Variants in DLC1 observed in about 807,000 individuals in gnomAD.
The protein encoded by DLC1 is rho GTPase-activating protein 7.
A neutral mutation model predicts 140.3 loss-of-function variants in DLC1; 54 were observed. That is an observed-to-expected ratio of 0.38 (90% CI 0.31 to 0.48). The LOEUF (loss-of-function observed/expected upper bound fraction) is 0.48, where lower values mean the gene tolerates loss of function less well. Among genes scored for constraint, DLC1 ranks in the 20% least tolerant of loss-of-function variants. DLC1 has a pLI of 0.96. For synonymous variants in DLC1, 986 were observed against 728.1 expected, an observed-to-expected ratio of 1.35 and a Z score of -5.70; for missense variants, 2,536 against 1,907.0, an observed-to-expected ratio of 1.33 and a Z score of -6.14.
intron 1 of DLC1, among the ~76,000 whole-genome samples, chr8:13,540,473 C>T (rs1680338174): frequency 6.6e-6 from 1 of 151,944 alleles, no homozygotes; most frequent in Admixed American, 6.6e-5. Context: ...TATTAACGTC[C>T]GATATTAAAC....
intron 5 of DLC1, among the ~76,000 whole-genome samples, chr8:13,202,097 C>G (rs1406659971): frequency 6.6e-6 from 1 of 151,678 alleles, no homozygotes; most frequent in Non-Finnish European, 1.5e-5. Flanking sequence ...CAGTGCGCGC[C>G]AAAACGCCCA....
chr8:13,178,345 G>A (rs1047490026), intron 5 of DLC1, among the ~76,000 whole-genome samples: 4 of 152,000 alleles, frequency 2.6e-5, no homozygotes, highest in Non-Finnish European at 4.4e-5. Flanking sequence ...GGCGGATCAC[G>A]AGGTCAGGAG....
In DLC1 at chr8:13,161,868, G is replaced by C. The variant is rs566782271; in HGVS notation, c.1349-46211C>G. 1.1e-3 allele frequency among the ~76,000 whole-genome samples: 172 copies of C among 152,252 alleles called. 1 individual carries two copies. The highest frequency in any genetic ancestry group is 1.0e-3 in the Non-Finnish European group (68 of 68,016). ...TTAAAAGGGCCATAAATCAATATTC[G>C]TAGTATTTTTAGACATAAGGGACAA... On this transcript the variant is annotated intron_variant, in intron 5 of 17. Transcript: ENST00000276297.
At chr8:13,595,208 G>A (rs1805645210) in intron 1 of DLC1, among the ~76,000 whole-genome samples, 1 of 151,920 alleles carries the variant, frequency 6.6e-6, no homozygotes, top group South Asian at 2.1e-4. Context: ...CAAATGAAAG[G>A]CACATTTAAT....
chr8:13,244,742 C>T (rs1012671106), intron 5 of DLC1, among the ~76,000 whole-genome samples: 4 of 152,146 alleles, frequency 2.6e-5, no homozygotes, highest in African/African-American at 9.7e-5. Context: ...TCCTGAATCT[C>T]CTGGCCAAGA....
At chr8:13,352,549 T>C (rs1351093351) in intron 4 of DLC1, among the ~76,000 whole-genome samples, 1 of 151,922 alleles carries the variant, frequency 6.6e-6, no homozygotes, top group Non-Finnish European at 1.5e-5. Context: ...GCCTGACTCA[T>C]TTTTTATTTT....
intron 5 of DLC1, among the ~76,000 whole-genome samples, chr8:13,294,102 C>T (rs1484263932): frequency 2.6e-5 from 4 of 152,276 alleles, no homozygotes; most frequent in South Asian, 4.1e-4. Flanking sequence ...CTGTGCTCTG[C>T]CCATTCATTC....
rs765612694 is a variant in DLC1 at position 13,085,909 on chromosome 8, T to C, written c.4489A>G (p.Thr1497Ala). ...GCACACAAATGTCCAAAAGATTTTG[T>C]GTACCATTCTGGCATGTGGCCCCTA... ...DLRGHMPEWY[T>A]KSFGHLCAAE... Residue 1497 changes from threonine to alanine, a missense_variant, in exon 18 of 18, where the codon ACA becomes GCA. Thr to Ala is a moderately conservative substitution (Grantham distance 58). Transcript: ENST00000276297. 1 of 1,614,184 alleles carries C rather than the reference T, an allele frequency of 6.2e-7. No individual in the cohort carries two copies. Among genetic ancestry groups the C allele is most frequent in the Admixed American group, 1.7e-5 (1 of 60,024 alleles).
At chr8:13,602,030 C>T (rs1805904578) in intron 1 of DLC1, among the ~76,000 whole-genome samples, 1 of 151,810 alleles carries the variant, frequency 6.6e-6, no homozygotes, top group Admixed American at 6.6e-5. Context: ...TAAGTGCCTC[C>T]TGATGGATGA....
At chr8:13,214,863 T>C in intron 5 of DLC1, 1 of 726,688 alleles carries the variant, frequency 1.4e-6, no homozygotes, top group Non-Finnish European at 2.5e-6. Flanking sequence ...TAGATGGGTC[T>C]CATGACAGGG....
intron 5 of DLC1, among the ~76,000 whole-genome samples, chr8:13,200,612 T>G (rs188405613): frequency 2.2e-4 from 34 of 151,998 alleles, no homozygotes; most frequent in South Asian, 1.0e-3. Flanking sequence ...GTGTGTGTGT[T>G]TTTTTTTAGA....
chr8:13,114,032 T>C (rs537727297), intron 6 of DLC1, among the ~76,000 whole-genome samples: 20 of 152,346 alleles, frequency 1.3e-4, no homozygotes, highest in African/African-American at 4.3e-4. Context: ...TATTTTAAAT[T>C]GACTTCATAT....
chr8:13,450,452 CAAAAAA>C (rs759911909), intron 2 of DLC1, among the ~76,000 whole-genome samples: 4 of 53,370 alleles, frequency 7.5e-5, no homozygotes, highest in African/African-American at 2.3e-4. Flanking sequence ...GAGACTGTCT[CAAAAAA>C]AAAAAAAAAA....
rs74449280 is a variant in DLC1 at position 13,244,209 on chromosome 8, G to T, written c.1348+61060C>A. 1.0e-3 allele frequency among the ~76,000 whole-genome samples: 156 copies of T among 152,082 alleles called. 2 individuals carry two copies. The East Asian group carries it at 0.028, about 28-fold the overall frequency. ...ATAATCTTTCTCTTAGATACTTACA[G>T]TGACTTTTAAGGACCCTCCATTGCC... is the stretch of plus-strand genomic sequence containing the variant. On this transcript the variant is annotated intron_variant, in intron 5 of 17. Transcript: ENST00000276297.
chr8:13,282,292 A>G (rs1413392676), intron 5 of DLC1, among the ~76,000 whole-genome samples: 3 of 152,166 alleles, frequency 2.0e-5, no homozygotes, highest in Non-Finnish European at 4.4e-5. Context: ...CACTCTCTGC[A>G]GTTGACTACA....
chr8:13,461,752 C>A (rs559571321), intron 2 of DLC1, among the ~76,000 whole-genome samples: 2 of 152,148 alleles, frequency 1.3e-5, no homozygotes, highest in Admixed American at 1.3e-4. Context: ...ACTTACCCAC[C>A]CAGGATCTCA....
At chr8:13,102,992 A>G in intron 7 of DLC1, 139 bp from the exon 8 acceptor site, 1 of 692,332 alleles carries the variant, frequency 1.4e-6, no homozygotes, top group South Asian at 1.9e-5. Context: ...GGAGTATTAG[A>G]AACTTATTTA....
At chr8:13,602,906 C>T (rs1805935011) in intron 1 of DLC1, among the ~76,000 whole-genome samples, 1 of 151,774 alleles carries the variant, frequency 6.6e-6, no homozygotes, top group African/African-American at 2.4e-5. Flanking sequence ...TGTCATCGGA[C>T]AGTTTTCAAC....
At chr8:13,492,814 T>G (rs1225384551) in intron 2 of DLC1, among the ~76,000 whole-genome samples, 2 of 152,228 alleles carry the variant, frequency 1.3e-5, no homozygotes, top group African/African-American at 4.8e-5. Context: ...TTAGGAGACT[T>G]ATATTTATTT....
Sources: gnomAD v4.1 joint callset for allele counts (sites outside exome capture counted in the v4.1 genomes callset) on GRCh38, gnomAD v4.1.1 for gene constraint, MANE v1.5 for transcripts, NCBI Gene and HGNC (gene_info 2026-07-23, HGNC 2026-07-21) for gene names.